Variants in ZMAT4 observed in about 807,000 individuals in gnomAD.
ZMAT4 encodes the protein zinc finger matrin-type 4.
A neutral mutation model predicts 28.7 loss-of-function variants in ZMAT4; 17 were observed. The observed-to-expected ratio is 0.59, with a 90% CI of 0.41 to 0.89. The LOEUF (loss-of-function observed/expected upper bound fraction) is 0.89. ZMAT4 is among the 40% of genes least tolerant of loss of function. ZMAT4 has a pLI of 0.00. For synonymous variants in ZMAT4, 117 were observed against 109.2 expected (o/e 1.07, Z -0.44); for missense variants, 240 against 283.8 (o/e 0.85, Z 1.11).
At chr8:40,737,109 G>T (rs549854132) in intron 3 of ZMAT4, among the ~76,000 whole-genome samples, 122 of 152,344 alleles carry the variant, frequency 8.0e-4, no homozygotes, top group Non-Finnish European at 1.4e-3. Flanking sequence ...ACAACACAGA[G>T]AGCACATTTA....
At chr8:40,779,746 C>T (rs918357545) in intron 2 of ZMAT4, among the ~76,000 whole-genome samples, 1 of 152,158 alleles carries the variant, frequency 6.6e-6, no homozygotes, top group South Asian at 2.1e-4. Flanking sequence ...CTCTTTTCAA[C>T]TCTCCCATCT....
chr8:40,827,514 G>A (rs1048864637), intron 1 of ZMAT4, among the ~76,000 whole-genome samples: 3 of 152,182 alleles, frequency 2.0e-5, no homozygotes, highest in Non-Finnish European at 2.9e-5. Context: ...ATAAAAGGAT[G>A]TCTGCCTCAA....
chr8:40,879,700 T>A (rs1255787782), intron 1 of ZMAT4, among the ~76,000 whole-genome samples: 3 of 152,124 alleles, frequency 2.0e-5, no homozygotes, highest in African/African-American at 4.8e-5. Context: ...CGCAAAAAAA[T>A]ATATAAAGAA....
chr8:40,740,546 TCAA>T (rs1811958058), intron 3 of ZMAT4, among the ~76,000 whole-genome samples: 1 of 152,236 alleles, frequency 6.6e-6, no homozygotes, highest in African/African-American at 2.4e-5. Flanking sequence ...TAAGATATCT[TCAA>T]CAACAGTAAT....
chr8:40,802,378 G>T (rs1341505975), intron 2 of ZMAT4, among the ~76,000 whole-genome samples: 5 of 152,226 alleles, frequency 3.3e-5, no homozygotes, highest in African/African-American at 9.6e-5. Flanking sequence ...TTATAGCAAA[G>T]TCACAGAATA....
chr8:40,546,966 C>T (rs962654426), intron 6 of ZMAT4, among the ~76,000 whole-genome samples: 1 of 152,160 alleles, frequency 6.6e-6, no homozygotes, highest in African/African-American at 2.4e-5. Flanking sequence ...CTCACGCACA[C>T]ACACACAGCA....
At chr8:40,542,769 A>G (rs1803082111) in intron 6 of ZMAT4, among the ~76,000 whole-genome samples, 1 of 152,252 alleles carries the variant, frequency 6.6e-6, no homozygotes, top group African/African-American at 2.4e-5. Context: ...TAACAGAATA[A>G]GTGAACTGTG....
At chr8:40,614,964 C>T (rs1805944100) in intron 5 of ZMAT4, among the ~76,000 whole-genome samples, 2 of 152,150 alleles carry the variant, frequency 1.3e-5, no homozygotes, top group South Asian at 4.1e-4. Context: ...TTGATCCTGT[C>T]ATTATGATGT....
intron 6 of ZMAT4, among the ~76,000 whole-genome samples, chr8:40,570,909 A>G (rs926322454): frequency 2.6e-5 from 4 of 152,048 alleles, no homozygotes; most frequent in African/African-American, 9.7e-5. Context: ...ACTTCTCAGA[A>G]CCACATCGGG....
chr8:40,831,194 A>G lies in ZMAT4; in HGVS notation c.-4-5514T>C, dbSNP rs189337561. On this transcript the variant is annotated intron_variant, in intron 1 of 6. Transcript: ENST00000297737. Reference sequence around the variant, plus strand: ...CCATCCACAAAGATGGCTCGTTTCCACTGAAATGCAGCTGCCCACTCCTCC... The same window carrying G: ...CCATCCACAAAGATGGCTCGTTTCCGCTGAAATGCAGCTGCCCACTCCTCC... Among the ~76,000 whole-genome samples, 18 of 152,220 alleles carry G rather than the reference A, an allele frequency of 1.2e-4. No homozygotes were observed. The East Asian group carries it at 3.1e-3, about 26-fold the overall frequency.
intron 5 of ZMAT4, among the ~76,000 whole-genome samples, chr8:40,654,865 G>C (rs1807846143): frequency 6.6e-6 from 1 of 152,044 alleles, no homozygotes; most frequent in African/African-American, 2.4e-5. Context: ...ATAATTAAAA[G>C]CTTCCTCCCT....
At chr8:40,551,078 C>T (rs1310977739) in intron 6 of ZMAT4, among the ~76,000 whole-genome samples, 2 of 152,132 alleles carry the variant, frequency 1.3e-5, no homozygotes, top group African/African-American at 4.8e-5. Context: ...TCTCATACAA[C>T]ATCTCTGTAT....
At chr8:40,707,230 A>T (rs911620538) in intron 3 of ZMAT4, among the ~76,000 whole-genome samples, 2 of 25,698 alleles carry the variant, frequency 7.8e-5, no homozygotes, top group African/African-American at 1.4e-4. Flanking sequence ...CCACCCCCCC[A>T]CCCCCATCTG....
rs1331555447 is a variant in ZMAT4 at position 40,532,238 on chromosome 8, G to C, written c.675C>G (p.Asn225Lys). The C allele has an allele frequency of 6.3e-7, 1 of 1,584,578 alleles. No individual in the cohort carries two copies. The highest frequency in any genetic ancestry group is 1.8e-5 in the Admixed American group (1 of 56,450). Reference protein sequence around the residue: ...AHLKGSKHQTNLKNK With the variant: ...AHLKGSKHQTKLKNK ...GATGCTTTCACTACTTATTCTTCAG[G>C]CTATAAGACAGAAGGAAACACAGTG... The change falls in exon 7 of 7, where the codon AAC (asparagine) becomes AAG (lysine). Residue 225 changes from asparagine (N) to lysine (K), a missense_variant and splice_region_variant. Physicochemically the swap from Asn to Lys is moderately conservative, Grantham distance 94. Transcript: ENST00000297737.
At chr8:40,630,978 C>T (rs1055190031) in intron 5 of ZMAT4, among the ~76,000 whole-genome samples, 9 of 56,510 alleles carry the variant, frequency 1.6e-4, no homozygotes, top group Non-Finnish European at 5.0e-4. Flanking sequence ...TAGAAATGCA[C>T]ATTTTTTTTT....
intron 2 of ZMAT4, among the ~76,000 whole-genome samples, chr8:40,807,224 C>G (rs1447359721): frequency 1.3e-5 from 2 of 151,458 alleles, no homozygotes; most frequent in Non-Finnish European, 2.9e-5. Flanking sequence ...GGTGGATCAC[C>G]TGAGGTCAGG....
intron 5 of ZMAT4, among the ~76,000 whole-genome samples, chr8:40,629,349 A>G (rs1806488521): frequency 1.5e-5 from 2 of 135,256 alleles, no homozygotes; most frequent in East Asian, 2.0e-4. Context: ...TTTTTTCCCC[A>G]TGCCTTTCTT....
chr8:40,572,166 A>T (rs1377001672), intron 6 of ZMAT4, among the ~76,000 whole-genome samples: 1 of 152,166 alleles, frequency 6.6e-6, no homozygotes, highest in African/African-American at 2.4e-5. Flanking sequence ...CCCTCAGCTA[A>T]CTAACTAGTA....
chr8:40,760,806 A>G (rs1812907345), intron 3 of ZMAT4, among the ~76,000 whole-genome samples: 2 of 150,104 alleles, frequency 1.3e-5, no homozygotes, highest in South Asian at 4.2e-4. Flanking sequence ...CTTTTGCACC[A>G]TGCACCTGCA....
Sources: gnomAD v4.1 joint callset for allele counts (sites outside exome capture counted in the v4.1 genomes callset) on GRCh38, gnomAD v4.1.1 for gene constraint, MANE v1.5 for transcripts, NCBI Gene and HGNC (gene_info 2026-07-23, HGNC 2026-07-21) for gene names.